Variants in NR3C2 observed in about 807,000 individuals in gnomAD.
NR3C2 encodes the protein nuclear receptor subfamily 3 group C member 2, also known as mineralocorticoid receptor.
Under a neutral mutation model 86.4 loss-of-function variants are expected in NR3C2, and 15 were observed. The observed-to-expected ratio is 0.17, with a 90% CI of 0.12 to 0.27. The LOEUF (loss-of-function observed/expected upper bound fraction) is 0.27, where lower values mean the gene tolerates loss of function less well. NR3C2 is among the 10% of genes least tolerant of loss of function. NR3C2 has a pLI of 1.00. For missense variants in NR3C2, 960 were observed against 1,195.6 expected (o/e 0.80, Z 2.91); for synonymous variants, 458 against 450.5 (o/e 1.02, Z -0.21).
At chr4:148,265,464 T>C (rs1307551466) in intron 2 of NR3C2, among the ~76,000 whole-genome samples, 3 of 152,246 alleles carry the variant, frequency 2.0e-5, no homozygotes, top group African/African-American at 7.2e-5. Flanking sequence ...AGGCACCGTG[T>C]TGTTCCAGGA....
At chr4:148,192,193 A>G (rs1222888587) in intron 4 of NR3C2, among the ~76,000 whole-genome samples, 1 of 151,524 alleles carries the variant, frequency 6.6e-6, no homozygotes, top group African/African-American at 2.4e-5. Flanking sequence ...TTGATGAACT[A>G]CTCTCCCTCT....
chr4:148,122,243 T>G (rs1228268558), intron 6 of NR3C2, among the ~76,000 whole-genome samples: 1 of 152,194 alleles, frequency 6.6e-6, no homozygotes, highest in Non-Finnish European at 1.5e-5. Context: ...TTTTACCCAT[T>G]TTTTCCTTCT....
chr4:148,081,590 C>G, intron 8 of NR3C2, 91 bp from the exon 9 acceptor site: 1 of 1,576,600 alleles, frequency 6.3e-7, no homozygotes, highest in Non-Finnish European at 8.7e-7. Flanking sequence ...ACTCAAATGA[C>G]AACATTTAGA....
chr4:148,403,530 A>C (rs1217749491), intron 2 of NR3C2, among the ~76,000 whole-genome samples: 2 of 152,078 alleles, frequency 1.3e-5, no homozygotes, highest in Non-Finnish European at 2.9e-5. Context: ...TGCCCTCTCT[A>C]CATAATGTAA....
chr4:148,186,758 AC>A lies in NR3C2; in HGVS notation c.2014+7987del, dbSNP rs564867320. Among the ~76,000 whole-genome samples, 119 of 143,756 alleles carry A rather than the reference AC, an allele frequency of 8.3e-4. 4 individuals carry two copies. The South Asian group carries it at 0.026, about 31-fold the overall frequency. 94.3% of individuals were successfully genotyped at this position (143,756 alleles called of 152,430 possible). ...TATTTGTAGTAGTCTTTTATCCCTT[AC>A]CCCCCTCCCACTCTTCCCCCCAAGT... On this transcript the variant is annotated intron_variant, in intron 4 of 8. Transcript: ENST00000358102.
intron 2 of NR3C2, among the ~76,000 whole-genome samples, chr4:148,305,611 C>T (rs1317890056): frequency 6.6e-6 from 1 of 151,772 alleles, no homozygotes. Context: ...AAAGGCTACG[C>T]TTTGAGAGAA....
intron 2 of NR3C2, among the ~76,000 whole-genome samples, chr4:148,361,552 G>C (rs1282028990): frequency 6.6e-6 from 1 of 152,154 alleles, no homozygotes; most frequent in Non-Finnish European, 1.5e-5. Flanking sequence ...GTCATTAATA[G>C]GAAATTGTGG....
chr4:148,320,739 T>A (rs1183728678), intron 2 of NR3C2, among the ~76,000 whole-genome samples: 1 of 152,064 alleles, frequency 6.6e-6, no homozygotes, highest in Admixed American at 6.6e-5. Flanking sequence ...TTATCATTTT[T>A]TTATTGCGTC....
At chr4:148,274,638 C>T (rs1225938283) in intron 2 of NR3C2, among the ~76,000 whole-genome samples, 1 of 151,738 alleles carries the variant, frequency 6.6e-6, no homozygotes, top group African/African-American at 2.4e-5. Context: ...TCCAGTCATG[C>T]AGAACTGTGA....
At chr4:148,089,803 C>A (rs1178309774) in intron 8 of NR3C2, among the ~76,000 whole-genome samples, 1 of 152,250 alleles carries the variant, frequency 6.6e-6, no homozygotes, top group African/African-American at 2.4e-5. Context: ...GCAGTGCCAA[C>A]TGCTGGGTGG....
chr4:148,158,346 G>A (rs3931397), intron 4 of NR3C2, among the ~76,000 whole-genome samples: 1 of 152,086 alleles, frequency 6.6e-6, no homozygotes, highest in Admixed American at 6.6e-5. Context: ...GCATTAATTT[G>A]TCTTTTGGGC....
chr4:148,339,650 T>C (rs962841314), intron 2 of NR3C2, among the ~76,000 whole-genome samples: 1 of 152,102 alleles, frequency 6.6e-6, no homozygotes, highest in Non-Finnish European at 1.5e-5. Context: ...TATAAAAGCT[T>C]TGAAATATAA....
At position 148,302,132 on chromosome 4, in the gene NR3C2, C is replaced by T. The variant is rs553183546; in HGVS notation, c.1758-42015G>A. Among the ~76,000 whole-genome samples, 14 of 152,158 alleles carry T rather than the reference C, an allele frequency of 9.2e-5. No homozygotes were observed. In the South Asian group the frequency reaches 1.9e-3, roughly 20 times the overall value. ...TGATCTTCAAATGATGGTTTACAAA[C>T]GCTATGGAACTTTGACAGGCACTCT... On this transcript the variant is annotated intron_variant, in intron 2 of 8. Coordinates refer to ENST00000358102, the MANE Select transcript of NR3C2 (RefSeq NM_000901.5).
chr4:148,362,098 C>G (rs1017427360), intron 2 of NR3C2, among the ~76,000 whole-genome samples: 2 of 152,214 alleles, frequency 1.3e-5, no homozygotes, highest in Non-Finnish European at 2.9e-5. Flanking sequence ...TCAGGCCACC[C>G]ATAGTGCTGG....
At chr4:148,217,402 T>C (rs373337355) in intron 3 of NR3C2, among the ~76,000 whole-genome samples, 3 of 152,326 alleles carry the variant, frequency 2.0e-5, no homozygotes, top group African/African-American at 7.2e-5. Flanking sequence ...ACCTGGTACT[T>C]ACACCTCAGA....
rs573764291 is a variant in NR3C2, at chr4:148,325,528, C to A, written c.1758-65411G>T. ...GAAGTTATGACATTACATTAATGTGCAGTAACACTGCTTGAAATCTTAGTA... is the reference window on the plus strand; with the variant it reads ...GAAGTTATGACATTACATTAATGTGAAGTAACACTGCTTGAAATCTTAGTA... On this transcript the variant is annotated intron_variant, in intron 2 of 8. Transcript: ENST00000358102. Among the ~76,000 whole-genome samples, 6 of 152,166 alleles carry A rather than the reference C, an allele frequency of 3.9e-5. No homozygotes were observed. In the East Asian group the frequency reaches 9.7e-4, roughly 24 times the overall value.
chr4:148,419,248 A>G (rs965692265), intron 2 of NR3C2, among the ~76,000 whole-genome samples: 2 of 152,180 alleles, frequency 1.3e-5, no homozygotes, highest in Admixed American at 6.5e-5. Flanking sequence ...GTGGATCACA[A>G]TGGTCCTCTT....
intron 2 of NR3C2, among the ~76,000 whole-genome samples, chr4:148,404,606 T>G (rs1328440295): frequency 6.6e-6 from 1 of 152,178 alleles, no homozygotes; most frequent in Non-Finnish European, 1.5e-5. Flanking sequence ...CCAGCACTTA[T>G]GATCTACCAT....
chr4:148,086,009 C>A (rs1334899049), intron 8 of NR3C2, among the ~76,000 whole-genome samples: 1 of 152,142 alleles, frequency 6.6e-6, no homozygotes, highest in Admixed American at 6.5e-5. Flanking sequence ...CAAAAAAAGT[C>A]CAGGACTGGA....
Sources: allele counts gnomAD v4.1 joint callset (sites outside exome capture counted in the v4.1 genomes callset), GRCh38; gene constraint gnomAD v4.1.1; transcripts MANE v1.5; gene names NCBI Gene and HGNC (gene_info 2026-07-23, HGNC 2026-07-21).